AFG1L: variants seen among roughly 807,000 people sequenced by gnomAD.
AFG1L encodes AFG1-like ATPase.
A neutral mutation model predicts 62.2 loss-of-function variants in AFG1L; 53 were observed. The observed-to-expected ratio is 0.85, with a 90% CI of 0.68 to 1.07. AFG1L has a LOEUF of 1.07. Ranked by LOEUF, AFG1L falls within the 50% of genes least tolerant of loss-of-function variation. The pLI, the probability that AFG1L is intolerant of heterozygous loss-of-function variation, is 0.00. For synonymous variants in AFG1L, 228 were observed against 210.3 expected (o/e 1.08, Z -0.73); for missense variants, 555 against 590.5 (o/e 0.94, Z 0.62).
Position 108,356,698 on chromosome 6 carries a change from C to T in AFG1L, c.526C>T (p.Arg176Cys), listed in dbSNP as rs1337014099. The change falls in exon 5 of 13, where the codon CGC becomes TGC. Residue 176 changes from arginine (R) to cysteine (C), a missense_variant. Arg to Cys is a radical substitution (Grantham distance 180). Coordinates refer to ENST00000368977, the MANE Select transcript of AFG1L (RefSeq NM_145315.5). The stretch of plus-strand genomic sequence containing the variant: ...AATTTCATGCATTTAAGGAATACAT[C>T]GCCTTAAACAGAGTTTGCCAAAAAG... ...FMLDVHKRIH[R>C]LKQSLPKRKP... 8 of 1,601,352 alleles carry T rather than the reference C, an allele frequency of 5.0e-6. 1 individual carries two copies. The highest frequency in any genetic ancestry group is 4.5e-5 in the South Asian group (4 of 88,072).
intron 6 of AFG1L, among the ~76,000 whole-genome samples, chr6:108,386,385 T>G (rs1780764062): frequency 6.6e-6 from 1 of 151,604 alleles, no homozygotes; most frequent in South Asian, 2.1e-4. Context: ...CGCTTGAACT[T>G]GAGAGGCAGA....
chr6:108,407,133 A>C (rs556012113), intron 7 of AFG1L, among the ~76,000 whole-genome samples: 7 of 152,160 alleles, frequency 4.6e-5, no homozygotes, highest in Admixed American at 3.3e-4. Flanking sequence ...GGGATTCCTC[A>C]TGACAGCCTT....
intron 2 of AFG1L, among the ~76,000 whole-genome samples, chr6:108,331,651 A>G (rs1474102489): frequency 1.3e-5 from 2 of 152,248 alleles, no homozygotes; most frequent in Non-Finnish European, 2.9e-5. Context: ...CTTTTAATGT[A>G]TGCATAATTG....
intron 7 of AFG1L, among the ~76,000 whole-genome samples, chr6:108,408,169 C>T (rs9320264): frequency 0.36 from 53,745 of 149,924 alleles, 9,989 homozygotes; most frequent in Non-Finnish European, 0.42. Flanking sequence ...CTCTGTTGCC[C>T]AGGCTGGAGT....
At chr6:108,375,713 G>T (rs1384698792) in intron 6 of AFG1L, among the ~76,000 whole-genome samples, 2 of 152,032 alleles carry the variant, frequency 1.3e-5, no homozygotes, top group Non-Finnish European at 2.9e-5. Flanking sequence ...TTGGTGTGTT[G>T]TTGAATTCAG....
chr6:108,403,370 T>C (rs1207977809), intron 7 of AFG1L, among the ~76,000 whole-genome samples: 1 of 152,138 alleles, frequency 6.6e-6, no homozygotes, highest in Non-Finnish European at 1.5e-5. Context: ...AGACAATCTT[T>C]TTGACGTGTA....
intron 7 of AFG1L, among the ~76,000 whole-genome samples, chr6:108,415,071 A>T (rs2114670413): frequency 6.6e-6 from 1 of 152,334 alleles, no homozygotes; most frequent in South Asian, 2.1e-4. Context: ...ACTTCAGCAA[A>T]GTCTCAGGAT....
chr6:108,470,419 A>G (rs1166258416), intron 8 of AFG1L, among the ~76,000 whole-genome samples: 1 of 152,212 alleles, frequency 6.6e-6, no homozygotes, highest in Non-Finnish European at 1.5e-5. Flanking sequence ...CACTGCTTAT[A>G]TAACCATGAG....
At position 108,459,859 on chromosome 6, in the gene AFG1L, C is replaced by T. The variant is rs546863025; in HGVS notation, c.890+12563C>T. 4.7e-4 allele frequency among the ~76,000 whole-genome samples: 71 copies of T among 152,214 alleles called. 1 individual carries two copies. Among genetic ancestry groups the T allele is most frequent in the South Asian group, 3.5e-3 (17 of 4,822 alleles). ...AGGGGCAATGGAATATGTTCAATAACATCACAGGAATACATCCATCAAAAT... is the reference window on the plus strand; with the variant it reads ...AGGGGCAATGGAATATGTTCAATAATATCACAGGAATACATCCATCAAAAT... On this transcript the variant is annotated intron_variant, in intron 8 of 12. Transcript: ENST00000368977.
chr6:108,344,750 C>A (rs1437349931), intron 2 of AFG1L: 1 of 471,164 alleles, frequency 2.1e-6, no homozygotes, highest in East Asian at 6.9e-5. Context: ...TCACTCCACC[C>A]TGTCATACCT....
chr6:108,522,038 A>G (rs1263821403), intron 12 of AFG1L: 2 of 253,574 alleles, frequency 7.9e-6, no homozygotes, highest in Non-Finnish European at 1.5e-5. Flanking sequence ...TTTTGCCATT[A>G]CTTATTTCTG....
chr6:108,312,829 A>G (rs906393241), intron 1 of AFG1L, among the ~76,000 whole-genome samples: 2 of 151,660 alleles, frequency 1.3e-5, no homozygotes, highest in Non-Finnish European at 2.9e-5. Context: ...CAGTGGTGCT[A>G]TCATAGATCA....
At chr6:108,513,216 TCTAA>T (rs1774730497) in intron 11 of AFG1L, among the ~76,000 whole-genome samples, 1 of 152,212 alleles carries the variant, frequency 6.6e-6, no homozygotes. Context: ...TTTCTGCATT[TCTAA>T]CTGAGGTACT....
At chr6:108,391,053 A>G (rs1056549268) in intron 6 of AFG1L, among the ~76,000 whole-genome samples, 1 of 152,148 alleles carries the variant, frequency 6.6e-6, no homozygotes, top group African/African-American at 2.4e-5. Context: ...TATTTTTGCA[A>G]TTGCGAATTG....
At chr6:108,366,561 TTTTTTTG>T (rs1196047102) in intron 6 of AFG1L, among the ~76,000 whole-genome samples, 4 of 68,508 alleles carry the variant, frequency 5.8e-5, no homozygotes, top group South Asian at 3.3e-4. Flanking sequence ...GCACTTGCTG[TTTTTTTG>T]TTTTTTTTTT....
intron 6 of AFG1L, among the ~76,000 whole-genome samples, chr6:108,397,499 C>T (rs955939211): frequency 2.6e-5 from 4 of 151,964 alleles, no homozygotes; most frequent in African/African-American, 4.8e-5. Context: ...TCAAGTGATC[C>T]GCCCACCTCG....
intron 2 of AFG1L, among the ~76,000 whole-genome samples, chr6:108,333,366 G>A (rs1474232447): frequency 1.3e-5 from 2 of 151,388 alleles, no homozygotes; most frequent in East Asian, 1.9e-4. Flanking sequence ...GGTGATATCC[G>A]CCACTGCACT....
At chr6:108,490,178 G>A (rs1773721179) in intron 10 of AFG1L, among the ~76,000 whole-genome samples, 1 of 152,172 alleles carries the variant, frequency 6.6e-6, no homozygotes, top group Admixed American at 6.5e-5. Context: ...GGTCAACATG[G>A]TAAAACCCCA....
intron 1 of AFG1L, among the ~76,000 whole-genome samples, chr6:108,320,554 A>G (rs914877782): frequency 3.9e-5 from 6 of 152,158 alleles, no homozygotes; most frequent in African/African-American, 1.4e-4. Context: ...ACTCAGTGAC[A>G]TGTATTAAGA....
Sources: allele counts gnomAD v4.1 joint callset (sites outside exome capture counted in the v4.1 genomes callset), GRCh38; gene constraint gnomAD v4.1.1; transcripts MANE v1.5; gene names NCBI Gene and HGNC (gene_info 2026-07-23, HGNC 2026-07-21).